ADD2: variants seen among roughly 807,000 people sequenced by gnomAD.
ADD2 encodes adducin 2.
In ADD2, 23 loss-of-function variants were observed where a neutral mutation model predicts 83.0. The ratio of observed to expected loss-of-function variants is 0.28; its 90% CI spans 0.20 to 0.39. ADD2 has a LOEUF of 0.39. Ranked by LOEUF, ADD2 falls within the 10% of genes least tolerant of loss-of-function variation. ADD2 has a pLI of 1.00. For missense variants in ADD2, 758 were observed against 944.9 expected (o/e 0.80, Z 2.59); for synonymous variants, 375 against 375.4 (o/e 1.00, Z 0.01).
chr2:70,688,201 T>G, intron 8 of ADD2, 79 bp from the exon 9 acceptor site: 2 of 1,191,134 alleles, frequency 1.7e-6, no homozygotes, highest in Admixed American at 4.0e-5. Context: ...CCATTTTATT[T>G]AGATCAACTT....
At chr2:70,665,812 TTTTTTG>T (rs1553366039) in intron 15 of ADD2, among the ~76,000 whole-genome samples, 1 of 135,572 alleles carries the variant, frequency 7.4e-6, no homozygotes, top group African/African-American at 3.0e-5. Flanking sequence ...TCACACTTGT[TTTTTTG>T]TTTTTTTTTT....
At chr2:70,723,068 C>G (rs1378733456) in intron 1 of ADD2, among the ~76,000 whole-genome samples, 2 of 152,206 alleles carry the variant, frequency 1.3e-5, no homozygotes, top group Non-Finnish European at 2.9e-5. Context: ...AACTATTTCT[C>G]TACATGAAGG....
chr2:70,763,025 A>C lies in ADD2; in HGVS notation c.-154+4861T>G, dbSNP rs532208257. 3.3e-4 allele frequency among the ~76,000 whole-genome samples: 50 copies of C among 152,140 alleles called. 4 individuals are homozygous for C. The highest frequency in any genetic ancestry group is 1.2e-3 in the African/African-American group (48 of 41,392). On this transcript the variant is annotated intron_variant, in intron 1 of 15. Transcript: ENST00000264436. Reference sequence around the variant, plus strand: ...CCAGCCAAAAATATCATTTGAGACTAACATCTTTTGTATTCTTTGACAGAT... The same window carrying C: ...CCAGCCAAAAATATCATTTGAGACTCACATCTTTTGTATTCTTTGACAGAT...
rs557987372 is a variant in ADD2, at chr2:70,669,698, T to G, written c.1870+3180A>C. Among the ~76,000 whole-genome samples the G allele has an allele frequency of 3.3e-5, 5 of 152,322 alleles. 1 individual carries two copies. The highest frequency in any genetic ancestry group is 1.2e-4 in the African/African-American group (5 of 41,564). On this transcript the variant is annotated intron_variant, in intron 15 of 15. Transcript: ENST00000264436. ...AAAACCAATAGAATGCAGTGGAAGA[T>G]CCACAAAGCAGGCCTCAGGCCAAAG...
At chr2:70,675,636 A>C (rs1056595920) in intron 13 of ADD2, 2 of 985,236 alleles carry the variant, frequency 2.0e-6, no homozygotes, top group African/African-American at 3.5e-5. Context: ...GAAGCTGAGG[A>C]GCAAAGAGAG....
intron 15 of ADD2, among the ~76,000 whole-genome samples, chr2:70,672,674 A>G (rs1669946867): frequency 6.6e-6 from 1 of 152,234 alleles, no homozygotes; most frequent in Admixed American, 6.5e-5. Flanking sequence ...TTCATTGCTT[A>G]TACTGGGTTT....
Position 70,767,977 on chromosome 2 carries a change from T to C in ADD2, c.-245A>G, listed in dbSNP as rs983964367. ...TGGGGGGTGGGGTGCGCTTAAAAAA[T>C]CCACCCAGCTAATCTGCAGGGCAGC... On this transcript the variant is annotated 5_prime_UTR_variant, in exon 1 of 16. Coordinates refer to ENST00000264436, the MANE Select transcript of ADD2 (RefSeq NM_001617.4). 48 of 1,534,936 alleles carry C rather than the reference T, an allele frequency of 3.1e-5. No individual in the cohort carries two copies. In the East Asian group the frequency reaches 6.4e-4, roughly 20 times the overall value.
chr2:70,730,463 T>C (rs1673225393), intron 1 of ADD2, among the ~76,000 whole-genome samples: 1 of 152,204 alleles, frequency 6.6e-6, no homozygotes, highest in African/African-American at 2.4e-5. Context: ...TTATGTCCTG[T>C]GTTTGCAGGA....
At chr2:70,675,561 C>T in intron 13 of ADD2, 1 of 985,480 alleles carries the variant, frequency 1.0e-6, no homozygotes. Context: ...AACTAAAATT[C>T]AGACTCCACA....
chr2:70,664,133 G>C (rs1011194668), intron 15 of ADD2, among the ~76,000 whole-genome samples: 1 of 152,202 alleles, frequency 6.6e-6, no homozygotes, highest in Non-Finnish European at 1.5e-5. Flanking sequence ...GCTGTAACCA[G>C]TTTAGTTTCA....
At chr2:70,696,000 A>C (rs1671287618) in intron 5 of ADD2, among the ~76,000 whole-genome samples, 199 bp from the exon 6 acceptor site, 1 of 152,214 alleles carries the variant, frequency 6.6e-6, no homozygotes, top group South Asian at 2.1e-4. Flanking sequence ...CTACAAAAGG[A>C]AACTCACTAT....
intron 15 of ADD2, among the ~76,000 whole-genome samples, chr2:70,665,729 TC>T (rs1393163205): frequency 1.4e-4 from 22 of 152,232 alleles, no homozygotes; most frequent in African/African-American, 5.3e-4. Flanking sequence ...CGTTCCCACT[TC>T]CAGGTAGAGT....
At chr2:70,713,816 C>T (rs1672326333) in intron 1 of ADD2, among the ~76,000 whole-genome samples, 1 of 151,972 alleles carries the variant, frequency 6.6e-6, no homozygotes, top group South Asian at 2.1e-4. Context: ...CTGGGAGGAT[C>T]TCCCTTCCTG....
rs1053121016 is a variant in ADD2, at chr2:70,706,074, C to T, written c.183+152G>A. 1 of 750,136 alleles carries T rather than the reference C, an allele frequency of 1.3e-6. No individual in the cohort carries two copies. The highest frequency in any genetic ancestry group is 2.1e-6 in the Non-Finnish European group (1 of 487,492). The allele number at this position is 750,136 out of a possible 1,614,324, so 46.5% of individuals were successfully genotyped here. On this transcript the variant is annotated intron_variant, in intron 3 of 15. Transcript: ENST00000264436. The surrounding 1 kb of genome is among the most constrained non-coding windows in gnomAD (Gnocchi z 5.0). ...CCAGTTACAAGGGAGAGTGTCAAGGCCCCAGGTGACCAGATCCGTCTTGCT... is the reference window on the plus strand; with the variant it reads ...CCAGTTACAAGGGAGAGTGTCAAGGTCCCAGGTGACCAGATCCGTCTTGCT...
At position 70,674,690 on chromosome 2, in the gene ADD2, G is replaced by A. The variant is rs1670047651; in HGVS notation, c.1729C>T (p.Leu577=). ...CAGGGTCATTTACCATCAAGTTCTA[G>A]TTTCTTCCTCTCCACCTCTTTCTTG... ...EYKKEVERKK[L]ELDGEKETAP... The change falls in exon 14 of 16, where the codon CTA becomes TTA. Residue 577 remains leucine (L), a synonymous_variant. Transcript: ENST00000264436. The A allele has an allele frequency of 1.2e-6, 2 of 1,613,772 alleles. No homozygotes were observed. The highest frequency in any genetic ancestry group is 1.7e-6 in the Non-Finnish European group (2 of 1,179,852).
intron 12 of ADD2, among the ~76,000 whole-genome samples, chr2:70,677,340 G>A (rs1019351151): frequency 1.3e-5 from 2 of 152,168 alleles, no homozygotes; most frequent in African/African-American, 4.8e-5. Context: ...TATCCTGTGA[G>A]CGATCTGATC....
At chr2:70,667,750 C>T (rs782079396) in intron 15 of ADD2, among the ~76,000 whole-genome samples, 1 of 152,082 alleles carries the variant, frequency 6.6e-6, no homozygotes, top group Non-Finnish European at 1.5e-5. Context: ...TCCCGAGTAG[C>T]TGGGATTACA....
At chr2:70,690,188 C>T (rs1036687450) in intron 8 of ADD2, among the ~76,000 whole-genome samples, 3 of 151,998 alleles carry the variant, frequency 2.0e-5, no homozygotes, top group Non-Finnish European at 4.4e-5. Flanking sequence ...CCTTCACCTT[C>T]TGGAGTCAAT....
intron 4 of ADD2, 58 bp downstream of exon 4, chr2:70,704,263 T>TGCCCCCCCCCCCCCCCCCCCCCCCCCACC: frequency 2.2e-6 from 2 of 913,238 alleles, no homozygotes; most frequent in Non-Finnish European, 3.4e-6. Context: ...CTCCCTCTCT[T>TGCCCCCCCCCCCCCCCCCCCCCCCCCACC]CCCCACCCCA....
Sources: gnomAD v4.1 joint callset for allele counts (sites outside exome capture counted in the v4.1 genomes callset) on GRCh38, gnomAD v4.1.1 for gene constraint, Gnocchi (gnomAD v3.1) non-coding constraint, MANE v1.5 for transcripts, NCBI Gene and HGNC (gene_info 2026-07-23, HGNC 2026-07-21) for gene names.